The following CBLB variants were observed in gnomAD, a reference collection of about 807,000 sequenced individuals.
CBLB encodes E3 ubiquitin-protein ligase CBL-B.
CBLB carries 31 observed loss-of-function variants against 104.9 expected under a neutral mutation model. That is an observed-to-expected ratio of 0.30 (90% confidence interval 0.22 to 0.40). The LOEUF (loss-of-function observed/expected upper bound fraction) is 0.40, where lower values mean the gene tolerates loss of function less well. Among genes scored for constraint, CBLB ranks in the 10% least tolerant of loss-of-function variants. The probability of loss-of-function intolerance (pLI) is 1.00; values close to 1 mark genes in which losing one functional copy is unlikely to be tolerated. For missense variants in CBLB, 1,062 were observed against 1,214.6 expected (o/e 0.87, Z 1.87); for synonymous variants, 440 against 422.6 (o/e 1.04, Z -0.51).
intron 9 of CBLB, among the ~76,000 whole-genome samples, chr3:105,727,155 T>G (rs183256587): frequency 1.8e-4 from 27 of 152,210 alleles, no homozygotes; most frequent in African/African-American, 5.8e-4. Flanking sequence ...TTGAACTAAT[T>G]TACACTCTCA....
At chr3:105,744,829 T>A (rs2075951776) in intron 6 of CBLB, among the ~76,000 whole-genome samples, 1 of 151,614 alleles carries the variant, frequency 6.6e-6, no homozygotes, top group Non-Finnish European at 1.5e-5. Context: ...ACTTGGGAGG[T>A]TAAGGCAGGA....
chr3:105,702,484 A>AC lies in CBLB; in HGVS notation c.1594-26_1594-25insG. The AC allele has an allele frequency of 2.1e-5, 31 of 1,465,686 alleles. No homozygotes were observed. The African/African-American group carries it at 4.3e-4, about 21-fold the overall frequency. The allele number at this position is 1,465,686 out of a possible 1,614,324, so 90.8% of individuals were successfully genotyped here. A position where few individuals can be genotyped will look rare whatever the true frequency, so the allele number is the denominator to read the frequency against. ...ACTAAAGAAACAGAAGAGAAAAAAA[A>AC]AAAAAAAAAAAAAAACTAAAGGTTG... On this transcript the variant is annotated intron_variant, in intron 11 of 18. Transcript: ENST00000394030.
At chr3:105,855,508 A>G (rs997207896) in intron 2 of CBLB, among the ~76,000 whole-genome samples, 1 of 152,214 alleles carries the variant, frequency 6.6e-6, no homozygotes, top group Non-Finnish European at 1.5e-5. Flanking sequence ...GCATCATGTT[A>G]TACACCTTAA....
At chr3:105,838,822 T>G (rs2153091442) in intron 3 of CBLB, among the ~76,000 whole-genome samples, 1 of 152,234 alleles carries the variant, frequency 6.6e-6, no homozygotes, top group South Asian at 2.1e-4. Flanking sequence ...GCATTTTTAG[T>G]AGAGACAGGG....
At position 105,737,222 on chromosome 3, in the gene CBLB, A is replaced by G. The variant is rs2075049231; in HGVS notation, c.1020T>C (p.Asp340=). Residue 340 remains aspartate, a synonymous_variant, in exon 8 of 19, where the codon GAT becomes GAC. Coordinates refer to ENST00000394030, the MANE Select transcript of CBLB (RefSeq NM_170662.5). ...LYPDGRSYNP[D]LTGLCEPTPH... ...GTGTAGGTTCACATAATCCAGTTAA[A>G]TCAGGATTATAACTCCTCCCATCAG... The G allele has an allele frequency of 3.8e-6, 6 of 1,592,362 alleles. No individual in the cohort carries two copies. Among genetic ancestry groups the G allele is most frequent in the Non-Finnish European group, 5.2e-6 (6 of 1,162,224 alleles).
At chr3:105,722,779 G>C (rs188610926) in intron 9 of CBLB, among the ~76,000 whole-genome samples, 20 of 152,128 alleles carry the variant, frequency 1.3e-4, no homozygotes, top group Non-Finnish European at 2.5e-4. Flanking sequence ...ATTGAGTTTT[G>C]AAGGGGGAGG....
intron 3 of CBLB, among the ~76,000 whole-genome samples, chr3:105,799,177 C>CAA (rs11372400): frequency 4.0e-4 from 28 of 70,222 alleles, no homozygotes; most frequent in South Asian, 3.0e-3. Flanking sequence ...TGACAAAGAA[C>CAA]AAAAAAAAAA....
At chr3:105,698,428 G>T (rs1368556534) in intron 12 of CBLB, among the ~76,000 whole-genome samples, 1 of 151,940 alleles carries the variant, frequency 6.6e-6, no homozygotes, top group Non-Finnish European at 1.5e-5. Context: ...CTCGCCCATT[G>T]ACAGGGTATT....
intron 3 of CBLB, among the ~76,000 whole-genome samples, chr3:105,817,970 A>C (rs1263499190): frequency 6.6e-6 from 1 of 152,222 alleles, no homozygotes; most frequent in East Asian, 1.9e-4. Flanking sequence ...AATAAAACAC[A>C]CTAGTGAAAA....
Position 105,658,450 on chromosome 3 carries a change from T to C in CBLB, c.*520A>G, listed in dbSNP as rs2063487462. ...AAATCAGAACCTTCAAAGCATCTTG[T>C]GAATGAGAGAAATGGAACTGGACCT... On this transcript the variant is annotated 3_prime_UTR_variant, in exon 19 of 19. Coordinates refer to ENST00000394030, the MANE Select transcript of CBLB (RefSeq NM_170662.5). The C allele has an allele frequency of 4.4e-6, 1 of 226,230 alleles. No homozygotes were observed. 14.0% of individuals were successfully genotyped at this position (226,230 alleles called of 1,614,324 possible). A position where few individuals can be genotyped will look rare whatever the true frequency, so the allele number is the denominator to read the frequency against.
intron 3 of CBLB, among the ~76,000 whole-genome samples, chr3:105,819,501 A>G (rs1185238266): frequency 6.6e-6 from 1 of 151,886 alleles, no homozygotes; most frequent in African/African-American, 2.4e-5. Context: ...AAAAAAAAAA[A>G]GAAAGAAAGA....
At chr3:105,843,630 T>C (rs2089855471) in intron 3 of CBLB, among the ~76,000 whole-genome samples, 1 of 152,080 alleles carries the variant, frequency 6.6e-6, no homozygotes, top group Non-Finnish European at 1.5e-5. Context: ...TTCAATTATA[T>C]CAATAAATAC....
intron 17 of CBLB, among the ~76,000 whole-genome samples, chr3:105,676,124 G>C (rs1576245212): frequency 6.6e-6 from 1 of 151,874 alleles, no homozygotes; most frequent in East Asian, 1.9e-4. Context: ...TCCCATGCTA[G>C]CCTGACACTC....
At chr3:105,794,183 G>A (rs2082002097) in intron 3 of CBLB, among the ~76,000 whole-genome samples, 1 of 152,144 alleles carries the variant, frequency 6.6e-6, no homozygotes, top group African/African-American at 2.4e-5. Flanking sequence ...TAATACACTT[G>A]TAGTGCTTTA....
intron 2 of CBLB, among the ~76,000 whole-genome samples, chr3:105,858,228 G>C (rs1000552962): frequency 1.3e-5 from 2 of 152,096 alleles, no homozygotes; most frequent in African/African-American, 4.8e-5. Context: ...TCATCAGTTG[G>C]ATTACTATTA....
At chr3:105,760,004 T>C (rs969726850) in intron 4 of CBLB, among the ~76,000 whole-genome samples, 1 of 152,332 alleles carries the variant, frequency 6.6e-6, no homozygotes, top group Admixed American at 6.5e-5. Context: ...ATCTTTCACA[T>C]ATTCATATTC....
intron 3 of CBLB, among the ~76,000 whole-genome samples, chr3:105,799,270 T>G (rs1029151922): frequency 6.6e-6 from 1 of 150,408 alleles, no homozygotes; most frequent in African/African-American, 2.4e-5. Context: ...AAAAGCAAAT[T>G]AGCAAAACAA....
chr3:105,750,744 G>C (rs1400158455), intron 5 of CBLB, among the ~76,000 whole-genome samples: 1 of 152,120 alleles, frequency 6.6e-6, no homozygotes, highest in Non-Finnish European at 1.5e-5. Flanking sequence ...TTTGCTATGT[G>C]AAAACAATTA....
In CBLB at chr3:105,674,757, T is replaced by C. The variant is rs557088888; in HGVS notation, c.2569+3674A>G. 4.7e-4 allele frequency among the ~76,000 whole-genome samples: 71 copies of C among 152,310 alleles called. No homozygotes were observed. The South Asian group carries it at 0.013, about 29-fold the overall frequency. On this transcript the variant is annotated intron_variant, in intron 17 of 18. Coordinates refer to ENST00000394030, the MANE Select transcript of CBLB (RefSeq NM_170662.5). Reference sequence around the variant, plus strand: ...GAGACAAAAGAGTGTAAAGCTTTTGTTGGGGACTTCAGGTTTTGTTAAGAT... The same window carrying C: ...GAGACAAAAGAGTGTAAAGCTTTTGCTGGGGACTTCAGGTTTTGTTAAGAT...
Sources: allele counts gnomAD v4.1 joint callset (sites outside exome capture counted in the v4.1 genomes callset), GRCh38; gene constraint gnomAD v4.1.1; transcripts MANE v1.5; gene names NCBI Gene and HGNC (gene_info 2026-07-23, HGNC 2026-07-21).